Variants in DEAF1 observed in about 807,000 individuals in gnomAD.
The protein encoded by DEAF1 is deformed epidermal autoregulatory factor 1 homolog.
In DEAF1, 53 loss-of-function variants were observed where a neutral mutation model predicts 58.9. The observed-to-expected ratio is 0.90, with a 90% CI of 0.72 to 1.13. The LOEUF (loss-of-function observed/expected upper bound fraction) is 1.13, where lower values mean the gene tolerates loss of function less well. Among genes scored for constraint, DEAF1 ranks in the 50% most tolerant of loss-of-function variants. The pLI is 0.00. For missense variants in DEAF1, 685 were observed against 791.4 expected, an observed-to-expected ratio of 0.87 and a Z score of 1.61; for synonymous variants, 385 against 340.4, an observed-to-expected ratio of 1.13 and a Z score of -1.44.
At chr11:658,784 G>T (rs1375811983) in intron 10 of DEAF1, among the ~76,000 whole-genome samples, 1 of 152,228 alleles carries the variant, frequency 6.6e-6, no homozygotes, top group South Asian at 2.1e-4. Flanking sequence ...GGGTTTCCTG[G>T]CCTGCCTTCC....
At chr11:694,397 T>TG (rs1441180029) in intron 1 of DEAF1, 61 of 104,224 alleles carry the variant, frequency 5.9e-4, no homozygotes, top group Non-Finnish European at 9.7e-4. Flanking sequence ...GTGGGGCAGG[T>TG]GGGGAAGGCT....
chr11:650,713 G>C (rs7938429), intron 11 of DEAF1, among the ~76,000 whole-genome samples: 46,422 of 151,614 alleles, frequency 0.31, 8,553 homozygotes, highest in African/African-American at 0.52. Context: ...AGCACTTTGG[G>C]AGGCCAAGCG....
chr11:674,677 C>T lies in DEAF1; in HGVS notation c.1362G>A (p.Leu454=), dbSNP rs764961241. 6.2e-7 allele frequency: 1 copy of T among 1,614,068 alleles called. No homozygotes were observed. Among genetic ancestry groups the T allele is most frequent in the South Asian group, 1.1e-5 (1 of 91,086 alleles). Residue 454 remains leucine (L), a synonymous_variant, in exon 10 of 12, where the codon CTG becomes CTA. Transcript: ENST00000382409. ...GLELSEPRSW[L]YLEEMVNSLL... is the part of the protein sequence containing the mutation. ...AGGAGTTGACCATCTCTTCTAGGTA[C>T]AGCCAGCTCCGCGGCTCTGACAGCT...
intron 11 of DEAF1, among the ~76,000 whole-genome samples, chr11:651,826 C>T (rs535497441): frequency 1.3e-5 from 2 of 152,208 alleles, no homozygotes; most frequent in Admixed American, 1.3e-4. Context: ...GCGGAGCTTG[C>T]GGTGAGCTGA....
chr11:669,315 T>C (rs536886784), intron 10 of DEAF1, among the ~76,000 whole-genome samples: 1 of 151,934 alleles, frequency 6.6e-6, no homozygotes, highest in East Asian at 1.9e-4. Context: ...CATATTGGAG[T>C]TGAATTAGAA....
At position 644,512 on chromosome 11, in the gene DEAF1, T is replaced by C. The variant is rs975291534; in HGVS notation, c.*38A>G. ...TCGACCTGCAAAAGCCTCACAGGAGTGCGAGGGGCCCCAGCTCCCAGGGCG... is the reference window on the plus strand; with the variant it reads ...TCGACCTGCAAAAGCCTCACAGGAGCGCGAGGGGCCCCAGCTCCCAGGGCG... On this transcript the variant is annotated 3_prime_UTR_variant, in exon 12 of 12. Coordinates refer to ENST00000382409, the MANE Select transcript of DEAF1 (RefSeq NM_021008.4). The surrounding 1 kb of genome is among the most constrained non-coding windows in gnomAD (Gnocchi z 4.3). The C allele has an allele frequency of 1.2e-5, 18 of 1,555,368 alleles. No homozygotes were observed. The highest frequency in any genetic ancestry group is 8.5e-5 in the Admixed American group (5 of 58,884).
upstream of DEAF1, chr11:695,482 C>T: frequency 1.4e-6 from 1 of 725,268 alleles, no homozygotes; most frequent in Non-Finnish European, 1.9e-6. Flanking sequence ...AGATTCTCGC[C>T]GGCGGCCGGC....
chr11:657,946 G>A (rs759117895), intron 10 of DEAF1, among the ~76,000 whole-genome samples: 5 of 152,154 alleles, frequency 3.3e-5, no homozygotes, highest in Non-Finnish European at 7.4e-5. Flanking sequence ...ACAGGACATT[G>A]ATAGTGAAAT....
At chr11:656,186 C>T (rs1314970031) in intron 10 of DEAF1, among the ~76,000 whole-genome samples, 1 of 145,578 alleles carries the variant, frequency 6.9e-6, no homozygotes, top group Non-Finnish European at 1.5e-5. Flanking sequence ...GATGGAGTCT[C>T]GCTCTGTCGC....
At chr11:649,359 T>G (rs1188828976) in intron 11 of DEAF1, among the ~76,000 whole-genome samples, 2 of 150,544 alleles carry the variant, frequency 1.3e-5, no homozygotes, top group African/African-American at 2.4e-5. Context: ...GAAGCGGAGG[T>G]TGCACTGAGC....
intron 10 of DEAF1, among the ~76,000 whole-genome samples, chr11:660,616 C>T (rs1285189071): frequency 6.6e-6 from 1 of 152,228 alleles, no homozygotes; most frequent in African/African-American, 2.4e-5. Flanking sequence ...CGGGCTGCTC[C>T]CGAGTATCCC....
chr11:702,761 C>T (rs1861553907), intron 1 of DEAF1, among the ~76,000 whole-genome samples: 1 of 152,268 alleles, frequency 6.6e-6, no homozygotes, highest in South Asian at 2.1e-4. Flanking sequence ...CTGTGTTGCC[C>T]ATGCTCTCTG....
At chr11:681,196 T>A in intron 6 of DEAF1, 107 bp from the exon 7 acceptor site, 1 of 1,471,222 alleles carries the variant, frequency 6.8e-7, no homozygotes, top group Non-Finnish European at 9.4e-7. Context: ...AGTCACATGG[T>A]GAGACCACAT....
Position 680,508 on chromosome 11 carries a change from G to A in DEAF1, c.997+455C>T, listed in dbSNP as rs147611628. Among the ~76,000 whole-genome samples, 913 of 152,310 alleles carry A rather than the reference G, an allele frequency of 6.0e-3. 10 individuals are homozygous for A. Among genetic ancestry groups the A allele is most frequent in the African/African-American group, 0.02 (838 of 41,554 alleles). On this transcript the variant is annotated intron_variant, in intron 7 of 11. Transcript: ENST00000382409. ...GCCTGTGGTCCCAGCTACTTGGGAG[G>A]CTGAGGTGAGAGCAGTGCCTGAGCC...
At chr11:703,187 C>T in intron 1 of DEAF1, 1 of 1,566,732 alleles carries the variant, frequency 6.4e-7, no homozygotes, top group Admixed American at 1.8e-5. Flanking sequence ...TGGGGCCCTC[C>T]TCCTGGGCCT....
At chr11:678,075 A>T (rs542286031) in intron 9 of DEAF1, among the ~76,000 whole-genome samples, 1 of 151,730 alleles carries the variant, frequency 6.6e-6, no homozygotes, top group African/African-American at 2.4e-5. Context: ...ACTTGAGGTC[A>T]GGAGTTCGAG....
At position 655,989 on chromosome 11, in the gene DEAF1, G is replaced by A. The variant is rs187855324; in HGVS notation, c.1504-1938C>T. Among the ~76,000 whole-genome samples the A allele has an allele frequency of 7.9e-3, 1,186 of 150,394 alleles. 15 individuals carry two copies. The highest frequency in any genetic ancestry group is 0.027 in the African/African-American group (1,128 of 41,206). On this transcript the variant is annotated intron_variant, in intron 10 of 11. Transcript: ENST00000382409. ...TGGGACTACAGGCACGGACCACCAC[G>A]CCTGGCTAATTTTTTTGTATTTTTA...
At chr11:703,298 A>C in intron 1 of DEAF1, 2 of 1,428,274 alleles carry the variant, frequency 1.4e-6, no homozygotes, top group Non-Finnish European at 1.8e-6. Context: ...CTGTTCTGGC[A>C]GGAGTGGGAG....
intron 10 of DEAF1, among the ~76,000 whole-genome samples, chr11:663,623 C>CA (rs1361692930): frequency 6.6e-6 from 1 of 151,424 alleles, no homozygotes; most frequent in Admixed American, 6.6e-5. Context: ...TCCATCTCCT[C>CA]AGCGACTGCC....
Sources: gnomAD v4.1 joint callset for allele counts (sites outside exome capture counted in the v4.1 genomes callset) on GRCh38, gnomAD v4.1.1 for gene constraint, Gnocchi (gnomAD v3.1) non-coding constraint, MANE v1.5 for transcripts, NCBI Gene and HGNC (gene_info 2026-07-23, HGNC 2026-07-21) for gene names.